THRAP3: variants seen among roughly 807,000 people sequenced by gnomAD.
THRAP3 encodes the protein thyroid hormone receptor-associated protein 3.
THRAP3 carries 16 observed loss-of-function variants against 101.0 expected under a neutral mutation model. The observed-to-expected ratio is 0.16, with a 90% CI of 0.11 to 0.24. THRAP3 has a LOEUF of 0.24. Ranked by LOEUF, THRAP3 falls within the 10% of genes least tolerant of loss-of-function variation. THRAP3 has a pLI of 1.00. For synonymous variants in THRAP3, 407 were observed against 422.6 expected (o/e 0.96, Z 0.45); for missense variants, 989 against 1,202.7 (o/e 0.82, Z 2.63).
intron 1 of THRAP3, among the ~76,000 whole-genome samples, chr1:36,228,042 CTT>C (rs1158538167): frequency 1.9e-4 from 21 of 110,452 alleles, no homozygotes; most frequent in East Asian, 2.5e-4. Context: ...CACGTGGCCT[CTT>C]TTTTTTTTTT....
chr1:36,270,288 G>A (rs1287501351), intron 2 of THRAP3, among the ~76,000 whole-genome samples: 6 of 152,112 alleles, frequency 3.9e-5, no homozygotes, highest in Non-Finnish European at 8.8e-5. Flanking sequence ...TACTCAGGAG[G>A]CTGAGGTGGG....
chr1:36,233,549 G>A (rs547820317), intron 1 of THRAP3, among the ~76,000 whole-genome samples: 1 of 150,900 alleles, frequency 6.6e-6, no homozygotes, highest in South Asian at 2.1e-4. Context: ...GCTGGGCACA[G>A]TGGCTCATAG....
intron 9 of THRAP3, among the ~76,000 whole-genome samples, chr1:36,300,426 T>G (rs1407184805): frequency 2.6e-5 from 4 of 152,246 alleles, no homozygotes; most frequent in Non-Finnish European, 5.9e-5. Flanking sequence ...AACACAGTGT[T>G]TATTTAGAGA....
the THRAP3 span, among the ~76,000 whole-genome samples, chr1:36,209,479 G>A: frequency 2.6e-5 from 4 of 152,142 alleles, no homozygotes; most frequent in Non-Finnish European, 2.9e-5. Context: ...CCCCATGCTC[G>A]GGGTTGTGAC....
At chr1:36,279,270 T>G (rs1009895370) in intron 2 of THRAP3, among the ~76,000 whole-genome samples, 2 of 152,214 alleles carry the variant, frequency 1.3e-5, no homozygotes, top group Non-Finnish European at 2.9e-5. Flanking sequence ...GTCATCTGGA[T>G]GGATTTTTAT....
chr1:36,241,331 G>T (rs1366429537), intron 1 of THRAP3, among the ~76,000 whole-genome samples: 1 of 146,910 alleles, frequency 6.8e-6, no homozygotes, highest in Non-Finnish European at 1.5e-5. Flanking sequence ...GTGCCCTAAT[G>T]AGAAAAAAAA....
At chr1:36,259,933 A>G (rs531729273) in intron 2 of THRAP3, among the ~76,000 whole-genome samples, 2 of 152,160 alleles carry the variant, frequency 1.3e-5, no homozygotes, top group East Asian at 3.9e-4. Flanking sequence ...TGTTACTTGG[A>G]TATATACTTG....
At chr1:36,259,318 G>T (rs1042813137) in intron 1 of THRAP3, 64 bp from the exon 2 acceptor site, 2 of 397,920 alleles carry the variant, frequency 5.0e-6, no homozygotes, top group Non-Finnish European at 8.9e-6. Context: ...TAGATTTTGA[G>T]CATCAGTAAC....
intron 9 of THRAP3, 123 bp from the exon 10 acceptor site, chr1:36,300,763 C>T: frequency 1.1e-6 from 1 of 929,410 alleles, no homozygotes; most frequent in Non-Finnish European, 1.6e-6. Flanking sequence ...TATAAGGTTA[C>T]TCATCATCAG....
At chr1:36,234,513 T>G (rs1645063340) in intron 1 of THRAP3, among the ~76,000 whole-genome samples, 1 of 152,198 alleles carries the variant, frequency 6.6e-6, no homozygotes, top group Non-Finnish European at 1.5e-5. Flanking sequence ...GTATGTCGTA[T>G]GTATATATAT....
At chr1:36,245,245 C>A (rs951491340) in intron 1 of THRAP3, among the ~76,000 whole-genome samples, 1 of 151,510 alleles carries the variant, frequency 6.6e-6, no homozygotes, top group African/African-American at 2.4e-5. Flanking sequence ...TGGTTCACTG[C>A]AACCTCCATA....
At chr1:36,289,886 T>G (rs1310818914) in intron 5 of THRAP3, 122 bp downstream of exon 5, 1 of 1,337,704 alleles carries the variant, frequency 7.5e-7, no homozygotes, top group Non-Finnish European at 9.9e-7. Context: ...TGGTGATACT[T>G]TCATGTCCAC....
intron 1 of THRAP3, among the ~76,000 whole-genome samples, chr1:36,245,996 C>T (rs1645226657): frequency 6.6e-6 from 1 of 151,700 alleles, no homozygotes; most frequent in South Asian, 2.1e-4. Flanking sequence ...TTTAATTATT[C>T]CCTACAATCC....
chr1:36,278,496 A>G (rs180976873), intron 2 of THRAP3, among the ~76,000 whole-genome samples: 3 of 152,328 alleles, frequency 2.0e-5, no homozygotes, highest in East Asian at 1.9e-4. Flanking sequence ...GTTTGAGTCA[A>G]GAAGGCTTGG....
chr1:36,250,808 G>A (rs575652782), intron 1 of THRAP3, among the ~76,000 whole-genome samples: 4 of 151,908 alleles, frequency 2.6e-5, no homozygotes, highest in Admixed American at 6.6e-5. Flanking sequence ...ATCTATTGGC[G>A]CAATCTCAGC....
At chr1:36,276,384 T>C (rs10796879) in intron 2 of THRAP3, among the ~76,000 whole-genome samples, 143,659 of 151,902 alleles carry the variant, frequency 0.95, 68,463 homozygotes, top group Middle Eastern at 1. Flanking sequence ...ATTAGCCAGC[T>C]GTGGTGGTGG....
At chr1:36,280,337 G>A (rs1383403878) in intron 2 of THRAP3, among the ~76,000 whole-genome samples, 1 of 152,204 alleles carries the variant, frequency 6.6e-6, no homozygotes, top group Non-Finnish European at 1.5e-5. Flanking sequence ...TGAGGTTTCT[G>A]TTGTTATAGA....
rs1445793189 is a variant in THRAP3, at chr1:36,301,082, T to G, written c.2500T>G (p.Phe834Val). The stretch of plus-strand genomic sequence containing the variant: ...AGGAGGTGGCAGAGCTCGAGGAACC[T>G]TTGTAAGACCTTCCCCTCTCCCCCT... ...ERGGGRARGT[F>V]QFRARGRGWG... The change falls in exon 10 of 12, where the codon TTT becomes GTT. Residue 834 changes from phenylalanine to valine, a missense_variant and splice_region_variant. By Grantham distance (50) the Phe-to-Val change is conservative. Transcript: ENST00000354618. 1 of 1,613,830 alleles carries G rather than the reference T, an allele frequency of 6.2e-7. No individual in the cohort carries two copies. Among genetic ancestry groups the G allele is most frequent in the Admixed American group, 1.7e-5 (1 of 59,982 alleles).
upstream of THRAP3, among the ~76,000 whole-genome samples, chr1:36,223,899 TC>T (rs1644925280): frequency 6.6e-6 from 1 of 152,198 alleles, no homozygotes; most frequent in Admixed American, 6.5e-5. Context: ...CTTGAGGCTT[TC>T]CTGTGCCTTA....
Sources: gnomAD v4.1 joint callset for allele counts (sites outside exome capture counted in the v4.1 genomes callset) on GRCh38, gnomAD v4.1.1 for gene constraint, MANE v1.5 for transcripts, NCBI Gene and HGNC (gene_info 2026-07-23, HGNC 2026-07-21) for gene names.